SGCZ: variants seen among roughly 807,000 people sequenced by gnomAD.
The protein encoded by SGCZ is zeta-sarcoglycan.
In SGCZ, 40 loss-of-function variants were observed where a neutral mutation model predicts 41.3. The observed-to-expected ratio is 0.97, with a 90% CI of 0.75 to 1.26. SGCZ has a LOEUF of 1.26. Ranked by LOEUF, SGCZ falls within the 50% of genes most tolerant of loss-of-function variation. The probability of loss-of-function intolerance (pLI) is 0.00; values close to 1 mark genes in which losing one functional copy is unlikely to be tolerated. For synonymous variants in SGCZ, 206 were observed against 137.5 expected, an observed-to-expected ratio of 1.50 and a Z score of -3.49; for missense variants, 552 against 369.8, an observed-to-expected ratio of 1.49 and a Z score of -4.04.
intron 1 of SGCZ, among the ~76,000 whole-genome samples, chr8:14,872,995 T>G (rs1032477480): frequency 1.3e-5 from 2 of 152,150 alleles, no homozygotes; most frequent in African/African-American, 4.8e-5. Flanking sequence ...ATATTTGACA[T>G]AATCAATTCA....
intron 3 of SGCZ, among the ~76,000 whole-genome samples, chr8:14,268,638 T>G (rs985452456): frequency 6.6e-6 from 1 of 151,910 alleles, no homozygotes; most frequent in Non-Finnish European, 1.5e-5. Flanking sequence ...GGCTTGCTTT[T>G]AATTATAACA....
At chr8:14,434,604 G>A (rs1800035555) in intron 2 of SGCZ, among the ~76,000 whole-genome samples, 1 of 152,182 alleles carries the variant, frequency 6.6e-6, no homozygotes, top group African/African-American at 2.4e-5. Context: ...CATGAGAATA[G>A]GATGTGTTTC....
chr8:14,765,808 A>G (rs575044492), intron 1 of SGCZ, among the ~76,000 whole-genome samples: 15 of 152,294 alleles, frequency 9.8e-5, no homozygotes, highest in African/African-American at 3.4e-4. Flanking sequence ...AATCCCAACT[A>G]TCACACAGCC....
intron 1 of SGCZ, among the ~76,000 whole-genome samples, chr8:15,173,786 C>G (rs1020979894): frequency 6.6e-6 from 1 of 152,134 alleles, no homozygotes; most frequent in African/African-American, 2.4e-5. Flanking sequence ...ACCACCCAGG[C>G]TGAAATGCAG....
At chr8:14,733,986 T>A (rs1734955729) in intron 1 of SGCZ, among the ~76,000 whole-genome samples, 1 of 152,222 alleles carries the variant, frequency 6.6e-6, no homozygotes, top group South Asian at 2.1e-4. Flanking sequence ...CTATCTTCAC[T>A]CCATAAATCA....
chr8:15,073,688 A>C (rs1805432693), intron 1 of SGCZ, among the ~76,000 whole-genome samples: 1 of 152,176 alleles, frequency 6.6e-6, no homozygotes, highest in Non-Finnish European at 1.5e-5. Flanking sequence ...TGCAACATAG[A>C]AACTCTGCCT....
intron 5 of SGCZ, among the ~76,000 whole-genome samples, chr8:14,139,916 C>A (rs76943982): frequency 2.0e-5 from 3 of 152,138 alleles, no homozygotes. Flanking sequence ...CCCTGATAAA[C>A]ATCGATGCAA....
At chr8:14,448,920 A>G (rs556169160) in intron 2 of SGCZ, among the ~76,000 whole-genome samples, 6 of 152,304 alleles carry the variant, frequency 3.9e-5, no homozygotes, top group African/African-American at 1.4e-4. Context: ...GGCATGACCA[A>G]AAAAGTTAAT....
chr8:14,825,806 G>C (rs983479676), intron 1 of SGCZ, among the ~76,000 whole-genome samples: 13 of 152,070 alleles, frequency 8.5e-5, no homozygotes, highest in Non-Finnish European at 1.9e-4. Flanking sequence ...TGTGGTACTT[G>C]TCTTTCTGTG....
At chr8:14,432,507 A>G (rs1799970613) in intron 2 of SGCZ, among the ~76,000 whole-genome samples, 1 of 152,170 alleles carries the variant, frequency 6.6e-6, no homozygotes, top group Non-Finnish European at 1.5e-5. Flanking sequence ...GTATGACACA[A>G]TGGACTTTGG....
chr8:14,772,773 C>T (rs1265671526), intron 1 of SGCZ, among the ~76,000 whole-genome samples: 1 of 152,050 alleles, frequency 6.6e-6, no homozygotes, highest in Non-Finnish European at 1.5e-5. Context: ...TTTTTTGTGG[C>T]TGCATAGTAT....
intron 5 of SGCZ, among the ~76,000 whole-genome samples, chr8:14,129,934 A>G (rs916611281): frequency 9.9e-5 from 15 of 152,202 alleles, no homozygotes; most frequent in African/African-American, 3.6e-4. Context: ...TTCAGATTCA[A>G]TGCAATCCTT....
chr8:14,158,248 C>T (rs1196753257), intron 5 of SGCZ, among the ~76,000 whole-genome samples: 5 of 152,094 alleles, frequency 3.3e-5, no homozygotes, highest in Admixed American at 3.3e-4. Flanking sequence ...GATTTTCATA[C>T]TTTAGATTCT....
chr8:14,134,885 C>CAGAT (rs1803150576), intron 5 of SGCZ, among the ~76,000 whole-genome samples: 1 of 152,026 alleles, frequency 6.6e-6, no homozygotes, highest in South Asian at 2.1e-4. Flanking sequence ...AAAAACATGA[C>CAGAT]AGATATAATA....
chr8:14,130,781 G>C (rs575274430), intron 5 of SGCZ, among the ~76,000 whole-genome samples: 3 of 152,150 alleles, frequency 2.0e-5, no homozygotes, highest in African/African-American at 4.8e-5. Flanking sequence ...AAAAGGGACC[G>C]TACCTGGAAG....
intron 2 of SGCZ, among the ~76,000 whole-genome samples, chr8:14,453,696 G>A (rs1800662367): frequency 6.6e-6 from 1 of 152,166 alleles, no homozygotes; most frequent in Non-Finnish European, 1.5e-5. Flanking sequence ...AATCCCTACA[G>A]ATTTTTCAGT....
intron 2 of SGCZ, among the ~76,000 whole-genome samples, chr8:14,411,727 T>C (rs1799365284): frequency 1.3e-5 from 2 of 152,148 alleles, no homozygotes; most frequent in African/African-American, 4.8e-5. Context: ...ATTAGTATTC[T>C]GTATTTCCAT....
rs546748145 is a variant in SGCZ, at chr8:14,139,081, C to T, written c.547+25499G>A. Reference sequence around the variant, plus strand: ...TACGTGGAAACTGAACAACCTGCTCCTGAATGACTACTGGGTAAATCATGA... The same window carrying T: ...TACGTGGAAACTGAACAACCTGCTCTTGAATGACTACTGGGTAAATCATGA... On this transcript the variant is annotated intron_variant, in intron 5 of 7. Coordinates refer to ENST00000382080, the MANE Select transcript of SGCZ (RefSeq NM_139167.4). Among the ~76,000 whole-genome samples the T allele has an allele frequency of 2.0e-5, 3 of 152,230 alleles. No homozygotes were observed. In the South Asian group the frequency reaches 6.2e-4, roughly 32 times the overall value.
chr8:14,317,727 C>G (rs1260817509), intron 3 of SGCZ, among the ~76,000 whole-genome samples: 1 of 151,806 alleles, frequency 6.6e-6, no homozygotes, highest in East Asian at 1.9e-4. Context: ...TCAATACTGT[C>G]AGGTTAGTGC....
Sources: allele counts gnomAD v4.1 joint callset (sites outside exome capture counted in the v4.1 genomes callset), GRCh38; gene constraint gnomAD v4.1.1; transcripts MANE v1.5; gene names NCBI Gene and HGNC (gene_info 2026-07-23, HGNC 2026-07-21).